KIAA0586: variants seen among roughly 807,000 people sequenced by gnomAD.
KIAA0586 encodes KIAA0586.
In KIAA0586, 144 loss-of-function variants were observed where a neutral mutation model predicts 169.8. That is an observed-to-expected ratio of 0.85 (90% CI 0.74 to 0.97). The LOEUF is 0.97. Ranked by LOEUF, KIAA0586 falls within the 50% of genes least tolerant of loss-of-function variation. The pLI is 0.00. For synonymous variants in KIAA0586, 625 were observed against 612.4 expected (o/e 1.02, Z -0.30); for missense variants, 1,854 against 1,823.0 (o/e 1.02, Z -0.31).
intron 29 of KIAA0586, among the ~76,000 whole-genome samples, chr14:58,529,315 A>G (rs2045804094): frequency 6.6e-6 from 1 of 152,218 alleles, no homozygotes; most frequent in South Asian, 2.1e-4. Context: ...AAACTATTCC[A>G]AAGAATAGAA....
At chr14:58,495,855 A>G (rs571113160) in intron 26 of KIAA0586, among the ~76,000 whole-genome samples, 1 of 152,212 alleles carries the variant, frequency 6.6e-6, no homozygotes. Flanking sequence ...CTAGATTTAG[A>G]TACTAAGGCA....
intron 18 of KIAA0586, 114 bp downstream of exon 18, chr14:58,472,393 A>C (rs1045881106): frequency 2.1e-6 from 1 of 481,598 alleles, no homozygotes; most frequent in African/African-American, 2.0e-5. Flanking sequence ...ACTTTCTTTT[A>C]CTTTTGAGTT....
chr14:58,450,361 TATC>T (rs1293173165), intron 7 of KIAA0586, among the ~76,000 whole-genome samples: 2 of 152,208 alleles, frequency 1.3e-5, no homozygotes, highest in Non-Finnish European at 2.9e-5. Flanking sequence ...TTCTGAATAT[TATC>T]ATATAGATTC....
intron 29 of KIAA0586, among the ~76,000 whole-genome samples, chr14:58,533,568 C>G (rs1374203864): frequency 6.6e-6 from 1 of 152,120 alleles, no homozygotes. Flanking sequence ...TTTGTGTTGC[C>G]CATCTAGTAA....
At chr14:58,557,208 G>T in the KIAA0586 span, among the ~76,000 whole-genome samples, 1 of 152,206 alleles carries the variant, frequency 6.6e-6, no homozygotes, top group South Asian at 2.1e-4. Flanking sequence ...CAGATGGACT[G>T]ATTTGTCTTG....
chr14:58,505,159 A>G (rs1479706803), intron 27 of KIAA0586, among the ~76,000 whole-genome samples: 1 of 152,188 alleles, frequency 6.6e-6, no homozygotes, highest in Non-Finnish European at 1.5e-5. Flanking sequence ...GCACACATGC[A>G]TGTACAATAT....
At chr14:58,522,421 T>A (rs182010948) in intron 29 of KIAA0586, among the ~76,000 whole-genome samples, 76 of 152,330 alleles carry the variant, frequency 5.0e-4, no homozygotes, top group African/African-American at 1.8e-3. Flanking sequence ...GAAGTATGTG[T>A]ATTACACCCC....
At chr14:58,553,209 T>C (rs1445329783), downstream of KIAA0586, among the ~76,000 whole-genome samples, 30 of 152,200 alleles carry the variant, frequency 2.0e-4, no homozygotes, top group Admixed American at 2.0e-3. Context: ...TCTAGAGATA[T>C]TTGTGGTATG....
chr14:58,529,685 T>G (rs1463904375), intron 29 of KIAA0586, among the ~76,000 whole-genome samples: 14 of 152,148 alleles, frequency 9.2e-5, no homozygotes, highest in Admixed American at 9.2e-4. Context: ...CTCAATAAAC[T>G]ATCTATTGAT....
chr14:58,459,423 A>G (rs1472982556), intron 12 of KIAA0586, among the ~76,000 whole-genome samples: 1 of 152,184 alleles, frequency 6.6e-6, no homozygotes, highest in Non-Finnish European at 1.5e-5. Context: ...CATGTAAAGT[A>G]TATTTGTTTA....
chr14:58,471,647 AT>A (rs994613145), intron 17 of KIAA0586, among the ~76,000 whole-genome samples: 14 of 151,148 alleles, frequency 9.3e-5, no homozygotes, highest in South Asian at 2.1e-4. Flanking sequence ...TTTCATCAGT[AT>A]TTTTTTTTAA....
the KIAA0586 span, among the ~76,000 whole-genome samples, chr14:58,558,121 G>C: frequency 6.6e-6 from 1 of 151,820 alleles, no homozygotes; most frequent in South Asian, 2.1e-4. Flanking sequence ...ATGTTGGCCA[G>C]GCTAGTCTCA....
In KIAA0586 at chr14:58,498,752, T is replaced by C. The variant is rs761336335; in HGVS notation, c.3991-31T>C. 3.8e-6 allele frequency: 6 copies of C among 1,558,472 alleles called. No individual in the cohort carries two copies. In the African/African-American group the frequency reaches 6.9e-5, roughly 18 times the overall value. ...CTGTTTTGACTTGATTTTAATATAATGGTTTTAACAATTGTTTCTGCTTTT... is the reference window on the plus strand; with the variant it reads ...CTGTTTTGACTTGATTTTAATATAACGGTTTTAACAATTGTTTCTGCTTTT... On this transcript the variant is annotated intron_variant, in intron 26 of 30. Transcript: ENST00000652326.
chr14:58,490,798 G>A (rs560133484), intron 25 of KIAA0586, among the ~76,000 whole-genome samples: 1 of 151,964 alleles, frequency 6.6e-6, no homozygotes, highest in Non-Finnish European at 1.5e-5. Flanking sequence ...AAACCGTTAA[G>A]GAATAGAAAT....
rs1037409440 is a variant in KIAA0586, at chr14:58,550,472, T to A, written c.*2540T>A. On this transcript the variant is annotated 3_prime_UTR_variant, in exon 31 of 31. Coordinates refer to ENST00000652326, the MANE Select transcript of KIAA0586 (RefSeq NM_001329943.3). ...TTTTATTTTATATTAAATTTTACAATTTCCAACTTCCGGAATAAACTATTT... is the reference window on the plus strand; with the variant it reads ...TTTTATTTTATATTAAATTTTACAAATTCCAACTTCCGGAATAAACTATTT... The A allele has an allele frequency of 7.2e-5, 11 of 152,174 alleles. No homozygotes were observed. Among genetic ancestry groups the A allele is most frequent in the African/African-American group, 2.4e-4 (10 of 41,440 alleles). 9.4% of individuals were successfully genotyped at this position (152,174 alleles called of 1,614,324 possible).
chr14:58,501,509 C>T (rs779236139), intron 27 of KIAA0586, among the ~76,000 whole-genome samples: 23 of 152,196 alleles, frequency 1.5e-4, no homozygotes, highest in Non-Finnish European at 3.2e-4. Flanking sequence ...ACAGAATAAA[C>T]TCCCTGAGGA....
At chr14:58,486,501 AC>A (rs1566879960) in intron 21 of KIAA0586, among the ~76,000 whole-genome samples, 1 of 152,194 alleles carries the variant, frequency 6.6e-6, no homozygotes, top group East Asian at 1.9e-4. Flanking sequence ...CAGTCAACAA[AC>A]ATGAAAAAAT....
chr14:58,457,977 C>T lies in KIAA0586; in HGVS notation c.1581C>T (p.Asn527=), dbSNP rs1412826613. Residue 527 remains asparagine (N), a splice_region_variant and synonymous_variant, in exon 11 of 31, where the codon AAC becomes AAT. Transcript: ENST00000652326. Reference sequence around the variant, plus strand: ...CGCTTATCAATGCTTTATCTACCAACAGGTAAGAGGATGTTGGCATCCAGG... The same window carrying T: ...CGCTTATCAATGCTTTATCTACCAATAGGTAAGAGGATGTTGGCATCCAGG... ...MYSLINALST[N]REMSEKIRIR... The T allele has an allele frequency of 6.3e-7, 1 of 1,575,836 alleles. No homozygotes were observed. The highest frequency in any genetic ancestry group is 8.6e-7 in the Non-Finnish European group (1 of 1,157,452).
At chr14:58,472,352 C>A in intron 18 of KIAA0586, 73 bp downstream of exon 18, 1 of 754,286 alleles carries the variant, frequency 1.3e-6, no homozygotes, top group Non-Finnish European at 2.1e-6. Context: ...TATCTTTGGA[C>A]TATCAATATT....
Sources: allele counts gnomAD v4.1 joint callset (sites outside exome capture counted in the v4.1 genomes callset), GRCh38; gene constraint gnomAD v4.1.1; transcripts MANE v1.5; gene names NCBI Gene and HGNC (gene_info 2026-07-23, HGNC 2026-07-21).